The following PLA2G4C variants were observed in gnomAD, a reference collection of about 807,000 sequenced individuals.
PLA2G4C encodes the protein phospholipase A2 group IVC, also known as cytosolic phospholipase A2 gamma.
In PLA2G4C, 64 loss-of-function variants were observed where a neutral mutation model predicts 73.8. The ratio of observed to expected loss-of-function variants is 0.87; its 90% CI spans 0.71 to 1.07. The LOEUF (loss-of-function observed/expected upper bound fraction) is 1.07, where lower values mean the gene tolerates loss of function less well. Among genes scored for constraint, PLA2G4C ranks in the 50% least tolerant of loss-of-function variants. PLA2G4C has a pLI of 0.00. For synonymous variants in PLA2G4C, 254 were observed against 252.1 expected (o/e 1.01, Z -0.07); for missense variants, 622 against 665.4 (o/e 0.93, Z 0.72).
At chr19:48,068,353 G>A (rs1014714125) in intron 12 of PLA2G4C, among the ~76,000 whole-genome samples, 5 of 150,182 alleles carry the variant, frequency 3.3e-5, no homozygotes, top group African/African-American at 1.2e-4. Context: ...GATAACTGAG[G>A]TCATGAGAGT....
intron 9 of PLA2G4C, among the ~76,000 whole-genome samples, chr19:48,085,476 C>T (rs2030919624): frequency 6.6e-6 from 1 of 152,172 alleles, no homozygotes; most frequent in Non-Finnish European, 1.5e-5. Flanking sequence ...AGAGGGAGGT[C>T]AAGCTCTGGC....
chr19:48,105,631 C>T, intron 2 of PLA2G4C, 187 bp from the exon 3 acceptor site: 1 of 555,056 alleles, frequency 1.8e-6, no homozygotes, highest in Non-Finnish European at 3.2e-6. Context: ...ACTGTGAATG[C>T]ATTGAATGCC....
Position 48,067,889 on chromosome 19 carries a change from A to C in PLA2G4C, c.1007-3T>G, listed in dbSNP as rs200788069. The stretch of plus-strand genomic sequence containing the variant: ...ATCCATCAAGTTACTGAGTGAGCCT[A>C]GGGAAAGAAGCCGAGACAGCCAAGG... On this transcript the variant is annotated splice_polypyrimidine_tract_variant and splice_region_variant and intron_variant, in intron 12 of 16. Transcript: ENST00000599921. 83 of 1,609,254 alleles carry C rather than the reference A, an allele frequency of 5.2e-5. No individual in the cohort carries two copies. The highest frequency in any genetic ancestry group is 6.9e-5 in the Non-Finnish European group (81 of 1,175,518).
At chr19:48,078,580 G>A (rs1218679087) in intron 10 of PLA2G4C, among the ~76,000 whole-genome samples, 2 of 152,102 alleles carry the variant, frequency 1.3e-5, no homozygotes, top group African/African-American at 4.8e-5. Context: ...CAATGACCAA[G>A]CTGAGATTCA....
chr19:48,064,435 A>AG (rs1968331469), intron 13 of PLA2G4C, among the ~76,000 whole-genome samples: 1 of 151,750 alleles, frequency 6.6e-6, no homozygotes, highest in Non-Finnish European at 1.5e-5. Flanking sequence ...TGTCTCAAAA[A>AG]AAAAAAAAAC....
At position 48,104,582 on chromosome 19, in the gene PLA2G4C, G is replaced by A. The variant is rs2032070979; in HGVS notation, c.257+6C>T. On this transcript the variant is annotated splice_donor_region_variant and intron_variant, in intron 4 of 16. Coordinates refer to ENST00000599921, the MANE Select transcript of PLA2G4C (RefSeq NM_003706.3). ...GAAAGCAATCTGAAACATGAGTGATGCTTACCAAGTGGATCCAGAGACCCC... is the reference window on the plus strand; with the variant it reads ...GAAAGCAATCTGAAACATGAGTGATACTTACCAAGTGGATCCAGAGACCCC... The A allele has an allele frequency of 6.2e-6, 10 of 1,613,430 alleles. No homozygotes were observed. The highest frequency in any genetic ancestry group is 8.5e-6 in the Non-Finnish European group (10 of 1,179,694).
intron 13 of PLA2G4C, among the ~76,000 whole-genome samples, chr19:48,067,476 T>C (rs964660285): frequency 2.3e-4 from 35 of 151,754 alleles, no homozygotes; most frequent in African/African-American, 7.0e-4. Flanking sequence ...CCCATACAAG[T>C]GTTTTTGAAG....
intron 9 of PLA2G4C, among the ~76,000 whole-genome samples, chr19:48,087,730 A>G (rs1293411074): frequency 6.6e-6 from 1 of 151,888 alleles, no homozygotes; most frequent in Non-Finnish European, 1.5e-5. Context: ...AGGTTGGGAG[A>G]TCGAGACCAG....
intron 7 of PLA2G4C, among the ~76,000 whole-genome samples, chr19:48,091,883 CAAAAAAAAAAAAAA>C (rs35118449): frequency 1.4e-4 from 3 of 21,090 alleles, no homozygotes; most frequent in African/African-American, 2.1e-4. Context: ...GACTCCATCT[CAAAAAAAAAAAAAA>C]AAAAAAAAAA....
intron 10 of PLA2G4C, among the ~76,000 whole-genome samples, chr19:48,079,103 G>C (rs2030368370): frequency 6.6e-6 from 1 of 151,964 alleles, no homozygotes; most frequent in South Asian, 2.1e-4. Flanking sequence ...CCTGACCTCA[G>C]GTGATCCACC....
At chr19:48,098,357 A>C in intron 5 of PLA2G4C, 98 bp from the exon 6 acceptor site, 2 of 1,145,038 alleles carry the variant, frequency 1.7e-6, no homozygotes, top group South Asian at 3.2e-5. Flanking sequence ...GAGGGGTCTC[A>C]GTCTGTCACC....
chr19:48,088,078 C>G (rs1387761246), intron 9 of PLA2G4C, among the ~76,000 whole-genome samples: 11 of 152,306 alleles, frequency 7.2e-5, no homozygotes, highest in Non-Finnish European at 1.5e-4. Context: ...CACTCCCCTA[C>G]AGACCTGAAG....
Position 48,053,414 on chromosome 19 carries a change from G to T in PLA2G4C, c.1430-267C>A, listed in dbSNP as rs7250660. Among the ~76,000 whole-genome samples, 15 of 140,756 alleles carry T rather than the reference G, an allele frequency of 1.1e-4. 1 individual carries two copies. The South Asian group carries it at 2.8e-3, about 26-fold the overall frequency. 92.3% of individuals were successfully genotyped at this position (140,756 alleles called of 152,430 possible). A position where few individuals can be genotyped will look rare whatever the true frequency, so the allele number is the denominator to read the frequency against. On this transcript the variant is annotated intron_variant, in intron 15 of 16. Coordinates refer to ENST00000599921, the MANE Select transcript of PLA2G4C (RefSeq NM_003706.3). The stretch of plus-strand genomic sequence containing the variant: ...GACAGAGGCTCGCTCTTGTCTCCCA[G>T]GCTGGAGTCCAATGGCACAATCTTG...
chr19:48,064,123 T>A (rs1968313565), intron 13 of PLA2G4C, among the ~76,000 whole-genome samples: 1 of 152,128 alleles, frequency 6.6e-6, no homozygotes, highest in Admixed American at 6.5e-5. Context: ...GATAAAGGAT[T>A]AATTTTCATA....
chr19:48,091,014 A>AAAT (rs545526547), intron 7 of PLA2G4C, among the ~76,000 whole-genome samples: 14,015 of 151,776 alleles, frequency 0.092, 1,390 homozygotes, highest in African/African-American at 0.25. Flanking sequence ...TTCAAAAAAA[A>AAAT]AAAAAAAAGT....
intron 2 of PLA2G4C, among the ~76,000 whole-genome samples, chr19:48,105,964 T>G (rs56158098): frequency 0.017 from 1,160 of 69,916 alleles, 331 homozygotes; most frequent in African/African-American, 0.12. Flanking sequence ...CTTTCTTTCT[T>G]TCTTTCTTTC....
In PLA2G4C at chr19:48,090,371, G is replaced by A. The variant is rs1184137076; in HGVS notation, c.756C>T (p.Tyr252=). 1.2e-6 allele frequency: 2 copies of A among 1,609,532 alleles called. No homozygotes were observed. The highest frequency in any genetic ancestry group is 8.5e-7 in the Non-Finnish European group (1 of 1,175,858). ...TGTTCCCCAAATACTCACCAAAAAT[G>A]TATTCCCTAATGACTTCAGTGTTAC... The part of the protein sequence containing the change: ...ALGNTEVIRE[Y]IFDQLRNLTL... Residue 252 remains tyrosine, a synonymous_variant, in exon 8 of 17, where the codon TAC becomes TAT. Transcript: ENST00000599921.
Position 48,048,045 on chromosome 19 carries a change from T to C in PLA2G4C, c.*298A>G, listed in dbSNP as rs1255042171. The C allele has an allele frequency of 2.3e-6, 1 of 441,142 alleles. No homozygotes were observed. Among genetic ancestry groups the C allele is most frequent in the Non-Finnish European group, 4.0e-6 (1 of 250,858 alleles). 27.3% of individuals were successfully genotyped at this position (441,142 alleles called of 1,614,324 possible). A position where few individuals can be genotyped will look rare whatever the true frequency, so the allele number is the denominator to read the frequency against. ...TGAACTATCACATTCATTCTGGCCA[T>C]CTGGACATTGGACATGATGCTTCTG... On this transcript the variant is annotated 3_prime_UTR_variant, in exon 17 of 17. Coordinates refer to ENST00000599921, the MANE Select transcript of PLA2G4C (RefSeq NM_003706.3).
chr19:48,095,505 A>G lies in PLA2G4C; in HGVS notation c.668T>C (p.Leu223Pro), dbSNP rs1452797467. 6.2e-7 allele frequency: 1 copy of G among 1,613,952 alleles called. No homozygotes were observed. Among genetic ancestry groups the G allele is most frequent in the Non-Finnish European group, 8.5e-7 (1 of 1,179,996 alleles). The change falls in exon 7 of 17, where the codon CTG (leucine) becomes CCG (proline). Residue 223 changes from leucine to proline, a missense_variant. Leu to Pro is a moderately conservative substitution (Grantham distance 98, BLOSUM62 -3). Transcript: ENST00000599921. ...HFGSKFKKGR[L>P]VRTHPERDLT... is the part of the protein sequence containing the mutation. ...GTCTCTCTCAGGGTGAGTTCTGACC[A>G]GTCTTCCCTTCTTGAATTTGCTTCC...
Sources: allele counts gnomAD v4.1 joint callset (sites outside exome capture counted in the v4.1 genomes callset), GRCh38; gene constraint gnomAD v4.1.1; transcripts MANE v1.5; gene names NCBI Gene and HGNC (gene_info 2026-07-23, HGNC 2026-07-21).